ZNF879: variants seen among roughly 807,000 people sequenced by gnomAD.
The protein encoded by ZNF879 is zinc finger protein 879.
A neutral mutation model predicts 44.3 loss-of-function variants in ZNF879; 32 were observed. That is an observed-to-expected ratio of 0.72 (90% CI 0.54 to 0.97). ZNF879 has a LOEUF of 0.97. Among genes scored for constraint, ZNF879 ranks in the 50% least tolerant of loss-of-function variants. The probability of loss-of-function intolerance (pLI) is 0.00; values close to 1 mark genes in which losing one functional copy is unlikely to be tolerated. For synonymous variants in ZNF879, 234 were observed against 233.2 expected, an observed-to-expected ratio of 1.00 and a Z score of -0.03; for missense variants, 621 against 669.7, an observed-to-expected ratio of 0.93 and a Z score of 0.80.
chr5:179,025,874 G>A (rs550915811), intron 2 of ZNF879, among the ~76,000 whole-genome samples: 92 of 151,692 alleles, frequency 6.1e-4, no homozygotes, highest in African/African-American at 2.1e-3. Context: ...CGGAGATCAT[G>A]CCACTGCACT....
In ZNF879 at chr5:179,032,518, T is replaced by C; in HGVS notation, c.570T>C (p.Val190=). The change falls in exon 5 of 5, where the codon GTT becomes GTC. Residue 190 remains valine (V), a synonymous_variant. Transcript: ENST00000444149. ...GACCCCGTTCACAGCAGTATTCAGT[T>C]CTCTTTAAACAACTGGGGGTCAACA... ...GRRPRSQQYS[V]LFKQLGVNTV... is the part of the protein sequence containing the mutation. 1 of 1,551,686 alleles carries C rather than the reference T, an allele frequency of 6.4e-7. No individual in the cohort carries two copies. Among genetic ancestry groups the C allele is most frequent in the Non-Finnish European group, 8.7e-7 (1 of 1,146,988 alleles).
chr5:179,023,982 G>T (rs1649533827), intron 1 of ZNF879, 78 bp downstream of exon 1: 1 of 152,198 alleles, frequency 6.6e-6, no homozygotes. Context: ...GCCTCTGCGC[G>T]TGTCTGCCGA....
intron 2 of ZNF879, among the ~76,000 whole-genome samples, chr5:179,027,037 C>T (rs368567297): frequency 1.4e-4 from 22 of 152,172 alleles, no homozygotes; most frequent in Non-Finnish European, 1.8e-4. Context: ...TCCCAGGACT[C>T]ATAGAGATGG....
intron 2 of ZNF879, 144 bp from the exon 3 acceptor site, chr5:179,027,329 A>C: frequency 8.5e-7 from 1 of 1,177,996 alleles, no homozygotes; most frequent in Non-Finnish European, 1.2e-6. Flanking sequence ...CACCATAGGT[A>C]AATGATAAAT....
rs1427161297 is a variant in ZNF879 at position 179,032,495 on chromosome 5, C to T, written c.547C>T (p.Pro183Ser). ...KPRIVSRGRR[P>S]RSQQYSVLFK... ...GAGAATAGTTTCCAGAGGAAGGAGACCCCGTTCACAGCAGTATTCAGTTCT... is the reference window on the plus strand; with the variant it reads ...GAGAATAGTTTCCAGAGGAAGGAGATCCCGTTCACAGCAGTATTCAGTTCT... Residue 183 changes from proline (P) to serine (S), a missense_variant, in exon 5 of 5, where the codon CCC becomes TCC. By Grantham distance (74) the Pro-to-Ser change is moderately conservative. Coordinates refer to ENST00000444149, the MANE Select transcript of ZNF879 (RefSeq NM_001136116.3). 4 of 1,551,530 alleles carry T rather than the reference C, an allele frequency of 2.6e-6. No homozygotes were observed. In the African/African-American group the frequency reaches 4.1e-5, roughly 16 times the overall value.
intron 4 of ZNF879, among the ~76,000 whole-genome samples, 164 bp from the exon 5 acceptor site, chr5:179,032,041 C>T (rs1761430220): frequency 6.6e-6 from 1 of 152,096 alleles, no homozygotes; most frequent in Non-Finnish European, 1.5e-5. Flanking sequence ...TCTTCAGACC[C>T]TTCCCACCCA....
chr5:179,033,158 G>C lies in ZNF879; in HGVS notation c.1210G>C (p.Glu404Gln). ...TGGTGAGAAACCATATGCATGCAAA[G>C]AATGTGGGAAAGCCTTCAGCCAAAG... is the stretch of plus-strand genomic sequence containing the variant. ...HTGEKPYACK[E>Q]CGKAFSQSSA... The change falls in exon 5 of 5, where the codon GAA (glutamate) becomes CAA (glutamine). Residue 404 changes from glutamate to glutamine, a missense_variant. By Grantham distance (29) the Glu-to-Gln change is conservative. Coordinates refer to ENST00000444149, the MANE Select transcript of ZNF879 (RefSeq NM_001136116.3). 1 of 1,591,588 alleles carries C rather than the reference G, an allele frequency of 6.3e-7. No individual in the cohort carries two copies. The highest frequency in any genetic ancestry group is 1.7e-4 in the Middle Eastern group (1 of 6,038).
In ZNF879 at chr5:179,033,241, T is replaced by A; in HGVS notation, c.1293T>A (p.Asn431Lys). 3.1e-6 allele frequency: 5 copies of A among 1,591,814 alleles called. No individual in the cohort carries two copies. The highest frequency in any genetic ancestry group is 4.3e-6 in the Non-Finnish European group (5 of 1,168,922). Residue 431 changes from asparagine to lysine, a missense_variant, in exon 5 of 5, where the codon AAT becomes AAA. Coordinates refer to ENST00000444149, the MANE Select transcript of ZNF879 (RefSeq NM_001136116.3). ...CTGGAGAAAAACCCTACAAATGTAA[T>A]GAATGTGGGAAAGCCTTCTCTTGGA... is the stretch of plus-strand genomic sequence containing the variant. ...IHTGEKPYKC[N>K]ECGKAFSWIS... is the part of the protein sequence containing the mutation.
rs529516941 is a variant in ZNF879, at chr5:179,034,451, A to G, written c.*811A>G. 1.3e-5 allele frequency: 2 copies of G among 152,374 alleles called. No homozygotes were observed. Among genetic ancestry groups the G allele is most frequent in the South Asian group, 4.1e-4 (2 of 4,830 alleles). 9.4% of individuals were successfully genotyped at this position (152,374 alleles called of 1,614,324 possible). On this transcript the variant is annotated 3_prime_UTR_variant, in exon 5 of 5. Transcript: ENST00000444149. The stretch of plus-strand genomic sequence containing the variant: ...TCAGAATGTAGCCAATAGCAAGCAC[A>G]GCTCAGCTCCCAGGGTCTGCCTGCT...
Position 179,034,085 on chromosome 5 carries a change from C to T in ZNF879, c.*445C>T, listed in dbSNP as rs1479649382. On this transcript the variant is annotated 3_prime_UTR_variant, in exon 5 of 5. Transcript: ENST00000444149. Reference sequence around the variant, plus strand: ...TAGAAAAGAAATATGTACAGGTGACCCATAGCTACCTCACTGTCACTAAAA... The same window carrying T: ...TAGAAAAGAAATATGTACAGGTGACTCATAGCTACCTCACTGTCACTAAAA... 2 of 153,398 alleles carry T rather than the reference C, an allele frequency of 1.3e-5. No individual in the cohort carries two copies. Among genetic ancestry groups the T allele is most frequent in the African/African-American group, 4.8e-5 (2 of 41,458 alleles). 9.5% of individuals were successfully genotyped at this position (153,398 alleles called of 1,614,324 possible).
chr5:179,030,741 A>C (rs2132672), intron 4 of ZNF879, among the ~76,000 whole-genome samples: 43,094 of 152,056 alleles, frequency 0.28, 6,524 homozygotes, highest in East Asian at 0.41. Context: ...TTTTGTAGTT[A>C]AGAAAATAAA....
chr5:179,025,098 C>T, intron 2 of ZNF879, 61 bp downstream of exon 2: 1 of 1,531,752 alleles, frequency 6.5e-7, no homozygotes, highest in Non-Finnish European at 8.9e-7. Flanking sequence ...TAAACTTCTT[C>T]ATCTGTTGTT....
intron 3 of ZNF879, 38 bp from the exon 4 acceptor site, chr5:179,027,994 A>G: frequency 1.3e-6 from 2 of 1,537,666 alleles, no homozygotes; most frequent in Non-Finnish European, 8.8e-7. Context: ...CCCGCCTGCT[A>G]CGATGGCCGC....
Position 179,029,098 on chromosome 5 carries a change from C to CTTTTTTTTTTTTTT in ZNF879, c.256+972_256+973insTTTTTTTTTTTTTT, listed in dbSNP as rs1561735057. ...TGTTTTGGATCTAGAATTCTGGCAT[C>CTTTTTTTTTTTTTT]TGTTTTTTTTTTTTTTTTTCCTCTC... On this transcript the variant is annotated intron_variant, in intron 4 of 4. Transcript: ENST00000444149. Among the ~76,000 whole-genome samples the CTTTTTTTTTTTTTT allele has an allele frequency of 1.4e-5, 2 of 142,872 alleles. 1 individual carries two copies. The highest frequency in any genetic ancestry group is 3.0e-5 in the Non-Finnish European group (2 of 66,062). The allele number at this position is 142,872 out of a possible 152,430, so 93.7% of individuals were successfully genotyped here.
At chr5:179,029,454 T>C (rs1761364706) in intron 4 of ZNF879, among the ~76,000 whole-genome samples, 1 of 152,122 alleles carries the variant, frequency 6.6e-6, no homozygotes, top group African/African-American at 2.4e-5. Context: ...TACAATAAAA[T>C]AGAAATTCAA....
intron 2 of ZNF879, among the ~76,000 whole-genome samples, chr5:179,025,407 C>T (rs1311444315): frequency 6.6e-6 from 1 of 151,890 alleles, no homozygotes; most frequent in Non-Finnish European, 1.5e-5. Flanking sequence ...CAAGGCTGGT[C>T]TTGAACTCCT....
intron 4 of ZNF879, among the ~76,000 whole-genome samples, chr5:179,029,295 T>G (rs1341373982): frequency 6.6e-6 from 1 of 152,186 alleles, no homozygotes; most frequent in Non-Finnish European, 1.5e-5. Context: ...TTCATTAGGT[T>G]ATATGAAAGA....
intron 4 of ZNF879, among the ~76,000 whole-genome samples, chr5:179,030,031 A>G (rs575476270): frequency 6.6e-6 from 1 of 152,362 alleles, no homozygotes; most frequent in East Asian, 1.9e-4. Flanking sequence ...GTAAATCATC[A>G]CAGTACAAAG....
In ZNF879 at chr5:179,025,132, C is replaced by T. The variant is rs536476617; in HGVS notation, c.33+95C>T. ...TTGAGCTTCTCTACCCAGTGAAGCT[C>T]AGGGAAGGACCAGAGGGCTTGGTAG... is the stretch of plus-strand genomic sequence containing the variant. On this transcript the variant is annotated intron_variant, in intron 2 of 4. Coordinates refer to ENST00000444149, the MANE Select transcript of ZNF879 (RefSeq NM_001136116.3). 48 of 1,408,904 alleles carry T rather than the reference C, an allele frequency of 3.4e-5. No homozygotes were observed. In the South Asian group the frequency reaches 6.0e-4, roughly 17 times the overall value. The allele number at this position is 1,408,904 out of a possible 1,614,324, so 87.3% of individuals were successfully genotyped here.
Sources: allele counts gnomAD v4.1 joint callset (sites outside exome capture counted in the v4.1 genomes callset), GRCh38; gene constraint gnomAD v4.1.1; transcripts MANE v1.5; gene names NCBI Gene and HGNC (gene_info 2026-07-23, HGNC 2026-07-21).